CFAP54: variants seen among roughly 807,000 people sequenced by gnomAD.
CFAP54 encodes cilia- and flagella-associated protein 54.
In CFAP54, 290 loss-of-function variants were observed where a neutral mutation model predicts 370.4. The observed-to-expected ratio is 0.78, with a 90% CI of 0.71 to 0.86. The LOEUF is 0.86. Ranked by LOEUF, CFAP54 falls within the 40% of genes least tolerant of loss-of-function variation. The pLI is 0.00. For synonymous variants in CFAP54, 1,206 were observed against 1,236.5 expected, an observed-to-expected ratio of 0.98 and a Z score of 0.52; for missense variants, 3,399 against 3,528.7, an observed-to-expected ratio of 0.96 and a Z score of 0.93.
intron 66 of CFAP54, among the ~76,000 whole-genome samples, chr12:96,847,048 C>T (rs1436917827): frequency 6.6e-6 from 1 of 152,136 alleles, no homozygotes; most frequent in Non-Finnish European, 1.5e-5. Context: ...ACACTTCTGC[C>T]CAACTAGATA....
In CFAP54 at chr12:96,663,828, A is replaced by G. The variant is rs2136521640; in HGVS notation, c.5461-2A>G. 6.2e-7 allele frequency: 1 copy of G among 1,609,570 alleles called. No homozygotes were observed. Among genetic ancestry groups the G allele is most frequent in the East Asian group, 2.2e-5 (1 of 44,756 alleles). ...TATTTGTTTTCACCTTTCTTTTTAA[A>G]GATAACTTGCCGAAATTTCATTGGG... On this transcript the variant is annotated splice_acceptor_variant, in intron 38 of 67. Transcript: ENST00000524981. LOFTEE classifies it high-confidence loss of function.
Position 96,708,700 on chromosome 12 carries a change from A to T in CFAP54, c.6621A>T (p.Ala2207=), listed in dbSNP as rs76019689. The change falls in exon 48 of 68, where the codon GCA becomes GCT. Residue 2207 remains alanine (A), a synonymous_variant. Coordinates refer to ENST00000524981, the MANE Select transcript of CFAP54 (RefSeq NM_001306084.2). ...HLLNKFNFVK[A]YFFLSVAATI... ...TAAATAAGTTTAATTTTGTTAAAGCATACTTTTTCCTAAGTGTGGCTGCGA... is the reference window on the plus strand; with the variant it reads ...TAAATAAGTTTAATTTTGTTAAAGCTTACTTTTTCCTAAGTGTGGCTGCGA... 6 of 1,612,358 alleles carry T rather than the reference A, an allele frequency of 3.7e-6. No individual in the cohort carries two copies. The South Asian group carries it at 5.5e-5, about 15-fold the overall frequency.
intron 14 of CFAP54, among the ~76,000 whole-genome samples, chr12:96,544,612 G>A (rs930148137): frequency 6.6e-6 from 1 of 152,142 alleles, no homozygotes; most frequent in Non-Finnish European, 1.5e-5. Context: ...TTTCAGAAGG[G>A]GTCCTGCCCC....
Position 96,644,409 on chromosome 12 carries a change from G to A in CFAP54, c.4547+1G>A. On this transcript the variant is annotated splice_donor_variant, in intron 33 of 67. Coordinates refer to ENST00000524981, the MANE Select transcript of CFAP54 (RefSeq NM_001306084.2). LOFTEE classifies it high-confidence loss of function. ...TTGGCACATCACATATGATGGTCAGGTATAGTATATTACTGATGAAAAATA... is the reference window on the plus strand; with the variant it reads ...TTGGCACATCACATATGATGGTCAGATATAGTATATTACTGATGAAAAATA... 1 of 1,512,154 alleles carries A rather than the reference G, an allele frequency of 6.6e-7. No individual in the cohort carries two copies. The highest frequency in any genetic ancestry group is 8.9e-7 in the Non-Finnish European group (1 of 1,125,250). The allele number at this position is 1,512,154 out of a possible 1,614,324, so 93.7% of individuals were successfully genotyped here.
At chr12:96,675,927 G>A (rs1244911192) in intron 39 of CFAP54, among the ~76,000 whole-genome samples, 7 of 150,950 alleles carry the variant, frequency 4.6e-5, no homozygotes, top group Admixed American at 4.0e-4. Context: ...ATCACACACC[G>A]AGGCCTGTTT....
chr12:96,718,608 G>A, intron 49 of CFAP54, 86 bp downstream of exon 49: 1 of 771,392 alleles, frequency 1.3e-6, no homozygotes, highest in Non-Finnish European at 2.2e-6. Flanking sequence ...TCAGAGTTAT[G>A]CTTGCTCTTG....
At chr12:96,587,717 T>C (rs1956087373) in intron 22 of CFAP54, among the ~76,000 whole-genome samples, 1 of 152,240 alleles carries the variant, frequency 6.6e-6, no homozygotes, top group Non-Finnish European at 1.5e-5. Context: ...AATTATAGTT[T>C]CACCAACCCT....
chr12:96,688,577 G>GAATAATGATATAGTTCA (rs1957352383), intron 42 of CFAP54, among the ~76,000 whole-genome samples: 1 of 151,916 alleles, frequency 6.6e-6, no homozygotes, highest in Non-Finnish European at 1.5e-5. Flanking sequence ...GATATAGTTC[G>GAATAATGATATAGTTCA]TTATGTCTGT....
chr12:96,791,092 A>C (rs1166614348), intron 62 of CFAP54, among the ~76,000 whole-genome samples: 2 of 152,096 alleles, frequency 1.3e-5, no homozygotes, highest in Non-Finnish European at 2.9e-5. Context: ...AAAAAGACTG[A>C]AGTAGAGGGA....
intron 4 of CFAP54, 40 bp from the exon 5 acceptor site, chr12:96,512,946 T>A (rs1175657009): frequency 7.5e-6 from 10 of 1,326,490 alleles, no homozygotes; most frequent in Non-Finnish European, 1.0e-5. Flanking sequence ...TTTCTATCAT[T>A]TGACTGTAAA....
intron 66 of CFAP54, among the ~76,000 whole-genome samples, chr12:96,856,425 T>G (rs1959705556): frequency 6.6e-6 from 1 of 152,224 alleles, no homozygotes; most frequent in Non-Finnish European, 1.5e-5. Flanking sequence ...TGCTTCCTCT[T>G]GAACACTTTG....
intron 49 of CFAP54, among the ~76,000 whole-genome samples, chr12:96,719,050 C>A (rs188887778): frequency 0.086 from 12,959 of 150,950 alleles, 790 homozygotes; most frequent in South Asian, 0.28. Context: ...AAAAAAAAAA[C>A]AACAAAGAAA....
intron 66 of CFAP54, among the ~76,000 whole-genome samples, chr12:96,849,042 C>A (rs1252942692): frequency 6.6e-6 from 1 of 152,168 alleles, no homozygotes; most frequent in Non-Finnish European, 1.5e-5. Flanking sequence ...GATCACCAGT[C>A]ATTCATGATA....
intron 60 of CFAP54, among the ~76,000 whole-genome samples, chr12:96,779,861 C>T (rs996823316): frequency 2.6e-5 from 4 of 151,890 alleles, no homozygotes; most frequent in Non-Finnish European, 4.4e-5. Flanking sequence ...AAAGGGCCCT[C>T]AGTGTTGCCA....
At chr12:96,576,315 A>G (rs1191776005) in intron 19 of CFAP54, among the ~76,000 whole-genome samples, 2 of 151,744 alleles carry the variant, frequency 1.3e-5, no homozygotes, top group Non-Finnish European at 2.9e-5. Flanking sequence ...AAAATGTACT[A>G]CCTCATATTC....
At chr12:96,645,769 A>T (rs1359772449) in intron 33 of CFAP54, 3 of 152,386 alleles carry the variant, frequency 2.0e-5, no homozygotes, top group African/African-American at 7.2e-5. Flanking sequence ...CAAATGGAAC[A>T]GAACAGAGCC....
intron 34 of CFAP54, 73 bp downstream of exon 34, chr12:96,648,090 C>T: frequency 8.6e-7 from 1 of 1,160,390 alleles, no homozygotes; most frequent in Non-Finnish European, 1.1e-6. Flanking sequence ...AGCACACATA[C>T]ACATTGTGGA....
chr12:96,503,592 T>G lies in CFAP54; in HGVS notation c.424-294T>G, dbSNP rs148829041. Among the ~76,000 whole-genome samples the G allele has an allele frequency of 1.0e-3, 154 of 152,278 alleles. No individual in the cohort carries two copies. In the East Asian group the frequency reaches 0.02, roughly 20 times the overall value. On this transcript the variant is annotated intron_variant, in intron 2 of 67. Coordinates refer to ENST00000524981, the MANE Select transcript of CFAP54 (RefSeq NM_001306084.2). ...GATGCTGAATTTTGGAACCTGGGTT[T>G]TGAGTATTTGTAGGTATTACCATGC... is the stretch of plus-strand genomic sequence containing the variant.
In CFAP54 at chr12:96,664,317, A is replaced by G. The variant is rs558434059; in HGVS notation, c.5563+385A>G. On this transcript the variant is annotated intron_variant, in intron 39 of 67. Transcript: ENST00000524981. ...CCTCTGATAGGCCAGAGTGTGTGTTATTCTCTTCTATGTGTCCATGTGTTC... is the reference window on the plus strand; with the variant it reads ...CCTCTGATAGGCCAGAGTGTGTGTTGTTCTCTTCTATGTGTCCATGTGTTC... 4.6e-5 allele frequency among the ~76,000 whole-genome samples: 7 copies of G among 151,880 alleles called. No homozygotes were observed. In the South Asian group the frequency reaches 1.5e-3, roughly 32 times the overall value.
Sources: gnomAD v4.1 joint callset for allele counts (sites outside exome capture counted in the v4.1 genomes callset) on GRCh38, gnomAD v4.1.1 for gene constraint, MANE v1.5 for transcripts, NCBI Gene and HGNC (gene_info 2026-07-23, HGNC 2026-07-21) for gene names.